The following NPEPPS variants were observed in gnomAD, a reference collection of about 807,000 sequenced individuals.
NPEPPS encodes puromycin-sensitive aminopeptidase.
A neutral mutation model predicts 115.5 loss-of-function variants in NPEPPS; 14 were observed. The observed-to-expected ratio is 0.12, with a 90% CI of 0.08 to 0.19. The LOEUF (loss-of-function observed/expected upper bound fraction) is 0.19, where lower values mean the gene tolerates loss of function less well. Ranked by LOEUF, NPEPPS falls within the 10% of genes least tolerant of loss-of-function variation. The probability of loss-of-function intolerance (pLI) is 1.00; values close to 1 mark genes in which losing one functional copy is unlikely to be tolerated. For synonymous variants in NPEPPS, 285 were observed against 390.6 expected, an observed-to-expected ratio of 0.73 and a Z score of 3.19; for missense variants, 523 against 1,110.8, an observed-to-expected ratio of 0.47 and a Z score of 7.52.
chr17:47,551,890 A>G (rs1229184275), intron 2 of NPEPPS, among the ~76,000 whole-genome samples: 5 of 134,044 alleles, frequency 3.7e-5, no homozygotes, highest in African/African-American at 1.3e-4. Context: ...TCAAAGAGGA[A>G]GAGTTTATAT....
At chr17:47,554,537 T>A (rs1909874707) in intron 2 of NPEPPS, among the ~76,000 whole-genome samples, 1 of 151,712 alleles carries the variant, frequency 6.6e-6, no homozygotes, top group African/African-American at 2.4e-5. Context: ...TTTGTAAAAA[T>A]TTTTTGTGAG....
intron 13 of NPEPPS, among the ~76,000 whole-genome samples, chr17:47,597,632 G>A (rs6505048): frequency 0.38 from 57,462 of 151,900 alleles, 11,687 homozygotes; most frequent in South Asian, 0.46. Flanking sequence ...TCCCAAAAGT[G>A]CTGGGATTAC....
chr17:47,613,646 G>T (rs1232658747), intron 18 of NPEPPS, 23 bp from the exon 19 acceptor site: 1 of 1,571,924 alleles, frequency 6.4e-7, no homozygotes, highest in South Asian at 1.1e-5. Context: ...TTAATCAAAT[G>T]ACTTATTTTT....
At chr17:47,556,402 A>G (rs1407965992) in intron 2 of NPEPPS, among the ~76,000 whole-genome samples, 2 of 152,108 alleles carry the variant, frequency 1.3e-5, no homozygotes, top group Admixed American at 6.6e-5. Context: ...GTTGGGGGTA[A>G]GGTCATAGAT....
At chr17:47,620,693 A>G (rs1401014269) in intron 22 of NPEPPS, among the ~76,000 whole-genome samples, 1 of 152,214 alleles carries the variant, frequency 6.6e-6, no homozygotes, top group Non-Finnish European at 1.5e-5. Context: ...GATTTCTAAA[A>G]GGTCTATGTT....
intron 1 of NPEPPS, among the ~76,000 whole-genome samples, chr17:47,543,964 C>T (rs145109538): frequency 0.045 from 6,730 of 150,214 alleles, 220 homozygotes; most frequent in Middle Eastern, 0.16. Context: ...GCACAATCTC[C>T]GCTCACTGCA....
At chr17:47,580,073 A>G (rs1911782234) in intron 4 of NPEPPS, 1 of 151,990 alleles carries the variant, frequency 6.6e-6, no homozygotes, top group Non-Finnish European at 1.5e-5. Flanking sequence ...TGAATCTGCT[A>G]GTCGTATTTT....
intron 2 of NPEPPS, among the ~76,000 whole-genome samples, chr17:47,568,407 G>T (rs1340626115): frequency 1.3e-5 from 2 of 152,098 alleles, no homozygotes; most frequent in Non-Finnish European, 2.9e-5. Flanking sequence ...TTGACCTCAG[G>T]TGATCCACAC....
intron 3 of NPEPPS, among the ~76,000 whole-genome samples, chr17:47,574,249 T>G (rs1420718902): frequency 6.6e-6 from 1 of 151,442 alleles, no homozygotes; most frequent in Non-Finnish European, 1.5e-5. Context: ...CAGAAACAAA[T>G]GAAATAAGTG....
intron 2 of NPEPPS, among the ~76,000 whole-genome samples, chr17:47,558,499 G>T (rs917693583): frequency 1.3e-5 from 2 of 151,958 alleles, no homozygotes; most frequent in South Asian, 2.1e-4. Flanking sequence ...GCTAGATCTC[G>T]GCTCACTGCA....
At chr17:47,592,818 G>C (rs114428305) in intron 12 of NPEPPS, 4 of 317,420 alleles carry the variant, frequency 1.3e-5, no homozygotes, top group African/African-American at 8.6e-5. Context: ...TGTTACGTCA[G>C]TATACATGTG....
chr17:47,585,130 A>G (rs962681938), intron 5 of NPEPPS, among the ~76,000 whole-genome samples: 2 of 152,066 alleles, frequency 1.3e-5, no homozygotes, highest in African/African-American at 4.8e-5. Flanking sequence ...CCTAGCCCCT[A>G]TTTTATTTTT....
At chr17:47,560,559 T>C (rs1385243351) in intron 2 of NPEPPS, among the ~76,000 whole-genome samples, 1 of 152,050 alleles carries the variant, frequency 6.6e-6, no homozygotes, top group Non-Finnish European at 1.5e-5. Context: ...TGCCCTAGGG[T>C]GAGAAGGAGG....
chr17:47,547,951 G>A (rs1215465348), intron 2 of NPEPPS, among the ~76,000 whole-genome samples: 5 of 152,112 alleles, frequency 3.3e-5, no homozygotes, highest in Non-Finnish European at 5.9e-5. Context: ...GCGTGAACCC[G>A]GGAGGCAGAG....
At position 47,601,878 on chromosome 17, in the gene NPEPPS, G is replaced by A. The variant is rs1028475792; in HGVS notation, c.1740+131G>A. ...AACTTTTCTTTGTGAAACTTAGGAC[G>A]AATTTTCATATAGTATTGTCCAGAC... On this transcript the variant is annotated intron_variant, in intron 15 of 22. Coordinates refer to ENST00000322157, the MANE Select transcript of NPEPPS (RefSeq NM_006310.4). 17 of 901,110 alleles carry A rather than the reference G, an allele frequency of 1.9e-5. No homozygotes were observed. In the African/African-American group the frequency reaches 2.0e-4, roughly 11 times the overall value. 55.8% of individuals were successfully genotyped at this position (901,110 alleles called of 1,614,324 possible). A position where few individuals can be genotyped will look rare whatever the true frequency, so the allele number is the denominator to read the frequency against.
At chr17:47,603,597 T>A (rs1913353277) in intron 15 of NPEPPS, 1 of 200,084 alleles carries the variant, frequency 5.0e-6, no homozygotes, top group Non-Finnish European at 1.0e-5. Context: ...ACTGTCCAGG[T>A]GTTTTCATAT....
At chr17:47,613,600 T>C in intron 18 of NPEPPS, 69 bp from the exon 19 acceptor site, 6 of 1,281,136 alleles carry the variant, frequency 4.7e-6, no homozygotes, top group Non-Finnish European at 6.8e-6. Flanking sequence ...GCTTTCTGTC[T>C]TTTCTTAGTA....
At chr17:47,527,711 A>T (rs1208970557), upstream of NPEPPS, among the ~76,000 whole-genome samples, 2 of 151,604 alleles carry the variant, frequency 1.3e-5, no homozygotes, top group South Asian at 2.1e-4. Context: ...TACAAAAATT[A>T]AAAAAAGAAA....
At chr17:47,592,596 A>C (rs758626258) in intron 12 of NPEPPS, 51 bp downstream of exon 12, 29 of 1,467,638 alleles carry the variant, frequency 2.0e-5, no homozygotes, top group Non-Finnish European at 2.7e-5. Flanking sequence ...TTGTCACTCT[A>C]TCCAGGCTGG....
Sources: allele counts gnomAD v4.1 joint callset (sites outside exome capture counted in the v4.1 genomes callset), GRCh38; gene constraint gnomAD v4.1.1; transcripts MANE v1.5; gene names NCBI Gene and HGNC (gene_info 2026-07-23, HGNC 2026-07-21).